SRPK2: variants seen among roughly 807,000 people sequenced by gnomAD.
SRPK2 encodes SFRS protein kinase 2.
A neutral mutation model predicts 90.8 loss-of-function variants in SRPK2; 21 were observed. The ratio of observed to expected loss-of-function variants is 0.23; its 90% CI spans 0.16 to 0.33. SRPK2 has a LOEUF of 0.33. Among genes scored for constraint, SRPK2 ranks in the 10% least tolerant of loss-of-function variants. The probability of loss-of-function intolerance (pLI) is 1.00; values close to 1 mark genes in which losing one functional copy is unlikely to be tolerated. For synonymous variants in SRPK2, 288 were observed against 311.1 expected (o/e 0.93, Z 0.78); for missense variants, 620 against 869.0 (o/e 0.71, Z 3.60).
At chr7:105,169,024 C>T in intron 4 of SRPK2, 133 bp downstream of exon 4, 1 of 539,618 alleles carries the variant, frequency 1.9e-6, no homozygotes. Context: ...GGAATCTAGC[C>T]AGCTGAGGCA....
chr7:105,351,119 G>A (rs924272150), intron 2 of SRPK2, among the ~76,000 whole-genome samples: 5 of 151,982 alleles, frequency 3.3e-5, no homozygotes, highest in Admixed American at 6.6e-5. Flanking sequence ...ATGGATTAAT[G>A]AGTTAACGAA....
chr7:105,250,437 A>C (rs1310170962), intron 2 of SRPK2, among the ~76,000 whole-genome samples: 1 of 152,166 alleles, frequency 6.6e-6, no homozygotes, highest in Non-Finnish European at 1.5e-5. Flanking sequence ...GATGTGTTGC[A>C]TCACTGGACA....
chr7:105,341,566 G>T (rs1287283842), intron 2 of SRPK2, among the ~76,000 whole-genome samples: 3 of 152,052 alleles, frequency 2.0e-5, no homozygotes, highest in Non-Finnish European at 4.4e-5. Context: ...CCAGCTACTT[G>T]GGAAGCTGAG....
chr7:105,285,428 A>T (rs1807962834), intron 2 of SRPK2, among the ~76,000 whole-genome samples: 1 of 151,890 alleles, frequency 6.6e-6, no homozygotes, highest in Non-Finnish European at 1.5e-5. Flanking sequence ...AAGAAAAAAG[A>T]AACAGCATTT....
At chr7:105,152,049 G>C (rs1423546708) in intron 7 of SRPK2, among the ~76,000 whole-genome samples, 1 of 151,220 alleles carries the variant, frequency 6.6e-6, no homozygotes, top group Non-Finnish European at 1.5e-5. Context: ...AAAATTATCT[G>C]GGTCTCAGTT....
At chr7:105,342,971 A>AT (rs1363096710) in intron 2 of SRPK2, among the ~76,000 whole-genome samples, 2 of 152,194 alleles carry the variant, frequency 1.3e-5, no homozygotes, top group Non-Finnish European at 2.9e-5. Flanking sequence ...GGCCTGAAAA[A>AT]TTTATTTCTA....
chr7:105,220,145 G>A (rs1265121709), intron 2 of SRPK2, among the ~76,000 whole-genome samples: 2 of 152,142 alleles, frequency 1.3e-5, no homozygotes, highest in African/African-American at 2.4e-5. Context: ...TAAACATAGG[G>A]AAAAATAATG....
intron 2 of SRPK2, among the ~76,000 whole-genome samples, chr7:105,209,050 T>A (rs1465700588): frequency 2.6e-5 from 4 of 152,208 alleles, no homozygotes; most frequent in Admixed American, 2.6e-4. Context: ...TTATAAAATG[T>A]ATGACTTCAA....
At chr7:105,182,226 T>G (rs1489149012) in intron 3 of SRPK2, among the ~76,000 whole-genome samples, 2 of 120,206 alleles carry the variant, frequency 1.7e-5, no homozygotes, top group East Asian at 4.9e-4. Context: ...TGCAAGACTC[T>G]GTCTCAAAAA....
At chr7:105,393,188 G>C (rs1173885590), upstream of SRPK2, among the ~76,000 whole-genome samples, 1 of 151,024 alleles carries the variant, frequency 6.6e-6, no homozygotes, top group Non-Finnish European at 1.5e-5. Flanking sequence ...TAGAGACTAG[G>C]TTTCACCATG....
intron 3 of SRPK2, among the ~76,000 whole-genome samples, chr7:105,174,435 A>G (rs1791576011): frequency 1.3e-5 from 2 of 152,182 alleles, no homozygotes; most frequent in Non-Finnish European, 2.9e-5. Context: ...TAAAGATAAT[A>G]TTAAGTATTA....
intron 2 of SRPK2, among the ~76,000 whole-genome samples, chr7:105,269,435 T>A (rs1298761455): frequency 6.6e-6 from 1 of 152,212 alleles, no homozygotes; most frequent in Non-Finnish European, 1.5e-5. Context: ...TAAAGACACA[T>A]TTAATATCTA....
intron 5 of SRPK2, 39 bp downstream of exon 5, chr7:105,167,969 T>C (rs1417813264): frequency 6.7e-7 from 1 of 1,487,338 alleles, no homozygotes; most frequent in East Asian, 2.3e-5. Context: ...TTTAAGTCAT[T>C]AAGTTTTCTT....
intron 2 of SRPK2, among the ~76,000 whole-genome samples, chr7:105,325,397 C>T (rs985090492): frequency 6.7e-6 from 1 of 148,382 alleles, no homozygotes; most frequent in Non-Finnish European, 1.5e-5. Context: ...AAATGTCATG[C>T]AGTCCACATA....
At chr7:105,129,916 G>A (rs1156838847) in intron 13 of SRPK2, among the ~76,000 whole-genome samples, 2 of 152,138 alleles carry the variant, frequency 1.3e-5, no homozygotes, top group Non-Finnish European at 2.9e-5. Context: ...TGTTGGAATG[G>A]CTTTTCTTGT....
intron 2 of SRPK2, among the ~76,000 whole-genome samples, chr7:105,263,397 C>T (rs1370676863): frequency 1.3e-5 from 2 of 151,570 alleles, no homozygotes; most frequent in Non-Finnish European, 2.9e-5. Flanking sequence ...CTCCCAAATG[C>T]TCATTAATAG....
chr7:105,316,093 C>T (rs903569783), intron 2 of SRPK2, among the ~76,000 whole-genome samples: 1 of 147,274 alleles, frequency 6.8e-6, no homozygotes, highest in Non-Finnish European at 1.5e-5. Flanking sequence ...GGCGCGATCT[C>T]GGCTCACTGC....
chr7:105,149,653 G>A (rs1196088610), intron 7 of SRPK2, among the ~76,000 whole-genome samples: 1 of 152,104 alleles, frequency 6.6e-6, no homozygotes, highest in African/African-American at 2.4e-5. Context: ...TGGAGGGGCA[G>A]GCCACTCCTT....
chr7:105,389,105 GC>G, upstream of SRPK2: 1 of 974,902 alleles, frequency 1.0e-6, no homozygotes, highest in African/African-American at 1.8e-5. Flanking sequence ...GGCCGCGCTG[GC>G]CCTCGGCCTC....
Sources: allele counts gnomAD v4.1 joint callset (sites outside exome capture counted in the v4.1 genomes callset), GRCh38; gene constraint gnomAD v4.1.1; transcripts MANE v1.5; gene names NCBI Gene and HGNC (gene_info 2026-07-23, HGNC 2026-07-21).